The following SYT1 variants were observed in gnomAD, a reference collection of about 807,000 sequenced individuals.
The protein encoded by SYT1 is synaptotagmin-1.
Under a neutral mutation model 44.8 loss-of-function variants are expected in SYT1, and 8 were observed. That is an observed-to-expected ratio of 0.18 (90% CI 0.10 to 0.32). SYT1 has a LOEUF of 0.32. Among genes scored for constraint, SYT1 ranks in the 10% least tolerant of loss-of-function variants. SYT1 has a pLI of 1.00. For missense variants in SYT1, 286 were observed against 509.3 expected, an observed-to-expected ratio of 0.56 and a Z score of 4.22; for synonymous variants, 154 against 188.8, an observed-to-expected ratio of 0.82 and a Z score of 1.51.
At position 79,068,698 on chromosome 12, in the gene SYT1, A is replaced by G. The variant is rs376594174; in HGVS notation, c.-18+21336A>G. 4.6e-5 allele frequency among the ~76,000 whole-genome samples: 7 copies of G among 152,216 alleles called. No homozygotes were observed. The East Asian group carries it at 9.6e-4, about 21-fold the overall frequency. ...CATTTTCCATAATCAGTACATTGGT[A>G]CAGAAAAGAGAAAAGAAACAGGGAG... is the stretch of plus-strand genomic sequence containing the variant. On this transcript the variant is annotated intron_variant, in intron 3 of 10. Coordinates refer to ENST00000261205, the MANE Select transcript of SYT1 (RefSeq NM_005639.3).
chr12:79,075,850 A>C (rs1876608174), intron 3 of SYT1, among the ~76,000 whole-genome samples: 1 of 152,130 alleles, frequency 6.6e-6, no homozygotes, highest in Admixed American at 6.6e-5. Flanking sequence ...AGAAAAGAAA[A>C]CCATGCAAAT....
At chr12:79,100,374 A>G (rs865818637) in intron 3 of SYT1, among the ~76,000 whole-genome samples, 57 of 152,252 alleles carry the variant, frequency 3.7e-4, no homozygotes, top group African/African-American at 5.5e-4. Context: ...AAGGTTTTTC[A>G]GTGAAAACTG....
rs116759544 is a variant in SYT1 at position 79,010,117 on chromosome 12, T to G, written c.-84+32186T>G. On this transcript the variant is annotated intron_variant, in intron 2 of 10. Coordinates refer to ENST00000261205, the MANE Select transcript of SYT1 (RefSeq NM_005639.3). ...ATTACTATTACTGTAGGTTAATGTT[T>G]CTTTATCCTGTTCTTTCAATATCTT... 1.1e-3 allele frequency among the ~76,000 whole-genome samples: 161 copies of G among 152,326 alleles called. 1 individual carries two copies. The highest frequency in any genetic ancestry group is 3.7e-3 in the African/African-American group (155 of 41,570).
chr12:79,172,628 A>C (rs1371376559), intron 3 of SYT1, among the ~76,000 whole-genome samples: 4 of 151,904 alleles, frequency 2.6e-5, no homozygotes, highest in African/African-American at 7.2e-5. Context: ...TGGTATTTAT[A>C]ATGCTCTAAA....
chr12:79,156,506 C>A lies in SYT1; in HGVS notation c.-17-60997C>A, dbSNP rs191865340. On this transcript the variant is annotated intron_variant, in intron 3 of 10. Coordinates refer to ENST00000261205, the MANE Select transcript of SYT1 (RefSeq NM_005639.3). The stretch of plus-strand genomic sequence containing the variant: ...TTGTTGTTATGGAGTCTCGCTCTGT[C>A]TCCCAGGCTGGAGTGCAGTGGCATG... 1.9e-3 allele frequency among the ~76,000 whole-genome samples: 283 copies of A among 152,124 alleles called. 3 individuals are homozygous for A. Among genetic ancestry groups the A allele is most frequent in the African/African-American group, 6.6e-3 (272 of 41,492 alleles).
intron 4 of SYT1, among the ~76,000 whole-genome samples, chr12:79,273,109 C>T (rs1418998182): frequency 6.8e-6 from 1 of 146,254 alleles, no homozygotes; most frequent in Non-Finnish European, 1.5e-5. Context: ...GTGTGTGTTA[C>T]CTTTTTTCTT....
At chr12:79,266,863 A>G (rs921699476) in intron 4 of SYT1, among the ~76,000 whole-genome samples, 4 of 152,192 alleles carry the variant, frequency 2.6e-5, no homozygotes. Flanking sequence ...TCCCGTGGAT[A>G]CTTAGGCAAG....
chr12:79,374,898 T>C (rs1363096358), intron 9 of SYT1, among the ~76,000 whole-genome samples: 1 of 152,120 alleles, frequency 6.6e-6, no homozygotes, highest in Non-Finnish European at 1.5e-5. Context: ...GTAAACAAAC[T>C]TTTTTTGTAA....
chr12:79,267,045 C>G (rs1008219155), intron 4 of SYT1, among the ~76,000 whole-genome samples: 1 of 152,092 alleles, frequency 6.6e-6, no homozygotes, highest in Non-Finnish European at 1.5e-5. Context: ...TTCCAAGTTA[C>G]AGAGAATTCT....
At chr12:78,946,590 G>A (rs1298409104) in intron 1 of SYT1, among the ~76,000 whole-genome samples, 3 of 152,008 alleles carry the variant, frequency 2.0e-5, no homozygotes, top group Non-Finnish European at 4.4e-5. Flanking sequence ...GGGAGGCAGA[G>A]GCAGGAGAAT....
intron 3 of SYT1, among the ~76,000 whole-genome samples, chr12:79,158,945 G>A (rs1027642644): frequency 1.3e-5 from 2 of 152,002 alleles, no homozygotes; most frequent in African/African-American, 4.8e-5. Context: ...TCAAAGAAAA[G>A]TATTTCAAGG....
At chr12:79,013,230 T>C (rs1057213387) in intron 2 of SYT1, among the ~76,000 whole-genome samples, 3 of 151,302 alleles carry the variant, frequency 2.0e-5, no homozygotes, top group Non-Finnish European at 2.9e-5. Context: ...AGGGATTGTG[T>C]GTTGGTGTGT....
intron 4 of SYT1, among the ~76,000 whole-genome samples, chr12:79,272,465 C>T (rs1878481381): frequency 6.6e-6 from 1 of 152,276 alleles, no homozygotes; most frequent in African/African-American, 2.4e-5. Context: ...AATGGCAAAG[C>T]TTACCAACCA....
chr12:79,132,384 G>A (rs1408608019), intron 3 of SYT1, among the ~76,000 whole-genome samples: 1 of 151,526 alleles, frequency 6.6e-6, no homozygotes, highest in Admixed American at 6.6e-5. Flanking sequence ...GCGAAATGGA[G>A]GTTGCAGTGA....
rs1165668920 is a variant in SYT1 at position 78,931,179 on chromosome 12, AAAAGAAAGAAAG to A, written c.-216-46569_-216-46558del. Among the ~76,000 whole-genome samples the A allele has an allele frequency of 3.6e-3, 214 of 59,846 alleles. 3 individuals carry two copies. The highest frequency in any genetic ancestry group is 5.8e-3 in the South Asian group (9 of 1,544). The allele number at this position is 59,846 out of a possible 152,430, so 39.3% of individuals were successfully genotyped here. ...GTCTGTGGAAAGAAAGAAAGAAAGAAAAAGAAAGAAAGAAAGAAAGAAAGAAAGAAAGAAAGA... is the reference window on the plus strand; with the variant it reads ...GTCTGTGGAAAGAAAGAAAGAAAGAAAAAGAAAGAAAGAAAGAAAGAAAGA... On this transcript the variant is annotated intron_variant, in intron 1 of 10. Coordinates refer to ENST00000261205, the MANE Select transcript of SYT1 (RefSeq NM_005639.3).
At chr12:79,316,688 G>A (rs564843742) in intron 8 of SYT1, among the ~76,000 whole-genome samples, 8 of 152,066 alleles carry the variant, frequency 5.3e-5, no homozygotes, top group African/African-American at 9.7e-5. Flanking sequence ...GTTGTCTATC[G>A]TCCACCGTAC....
At chr12:79,189,607 G>GA (rs1314361991) in intron 3 of SYT1, among the ~76,000 whole-genome samples, 2 of 152,000 alleles carry the variant, frequency 1.3e-5, no homozygotes, top group Non-Finnish European at 1.5e-5. Context: ...GTTTACCCAT[G>GA]AAAAAATTAA....
chr12:79,153,702 A>T (rs1433746977), intron 3 of SYT1, among the ~76,000 whole-genome samples: 2 of 152,112 alleles, frequency 1.3e-5, no homozygotes, highest in African/African-American at 2.4e-5. Flanking sequence ...TGACATAAAA[A>T]TCATTCAATT....
intron 3 of SYT1, among the ~76,000 whole-genome samples, chr12:79,141,841 A>G (rs1364624945): frequency 1.3e-5 from 2 of 152,242 alleles, no homozygotes; most frequent in Non-Finnish European, 2.9e-5. Flanking sequence ...TCATAGGGCC[A>G]TAAGGACACC....
Sources: allele counts gnomAD v4.1 joint callset (sites outside exome capture counted in the v4.1 genomes callset), GRCh38; gene constraint gnomAD v4.1.1; transcripts MANE v1.5; gene names NCBI Gene and HGNC (gene_info 2026-07-23, HGNC 2026-07-21).